The following TRAPPC9 variants were observed in gnomAD, a reference collection of about 807,000 sequenced individuals.
The protein encoded by TRAPPC9 is IKK2 binding protein.
Under a neutral mutation model 124.0 loss-of-function variants are expected in TRAPPC9, and 83 were observed. The observed-to-expected ratio is 0.67, with a 90% CI of 0.56 to 0.80. TRAPPC9 has a LOEUF of 0.80. Ranked by LOEUF, TRAPPC9 falls within the 30% of genes least tolerant of loss-of-function variation. TRAPPC9 has a pLI of 0.00. For missense variants in TRAPPC9, 1,302 were observed against 1,508.3 expected, an observed-to-expected ratio of 0.86 and a Z score of 2.27; for synonymous variants, 638 against 617.5, an observed-to-expected ratio of 1.03 and a Z score of -0.49.
In TRAPPC9 at chr8:140,172,426, G is replaced by A. The variant is rs1019618004; in HGVS notation, c.2556+49033C>T. Reference sequence around the variant, plus strand: ...GGTTAAACTACCTGTGGGCAATGGAGGGGGGTTAAACTACCTCTGGGCAAT... The same window carrying A: ...GGTTAAACTACCTGTGGGCAATGGAAGGGGGTTAAACTACCTCTGGGCAAT... On this transcript the variant is annotated intron_variant, in intron 17 of 22. Transcript: ENST00000438773. Among the ~76,000 whole-genome samples the A allele has an allele frequency of 5.3e-4, 60 of 112,276 alleles. 1 individual carries two copies. The highest frequency in any genetic ancestry group is 1.9e-3 in the African/African-American group (56 of 29,914). 73.7% of individuals were successfully genotyped at this position (112,276 alleles called of 152,430 possible). A position where few individuals can be genotyped will look rare whatever the true frequency, so the allele number is the denominator to read the frequency against.
intron 18 of TRAPPC9, among the ~76,000 whole-genome samples, chr8:140,020,428 C>A (rs1311585043): frequency 1.3e-5 from 2 of 152,102 alleles, no homozygotes; most frequent in African/African-American, 2.4e-5. Flanking sequence ...GGGTTTGAGA[C>A]CAGCCTGGGC....
intron 18 of TRAPPC9, among the ~76,000 whole-genome samples, chr8:139,989,678 G>A (rs1247282022): frequency 6.6e-6 from 1 of 152,198 alleles, no homozygotes; most frequent in Non-Finnish European, 1.5e-5. Context: ...GGATGACAGA[G>A]CAGGGTCGGA....
chr8:140,408,577 G>A (rs908729597), intron 5 of TRAPPC9, among the ~76,000 whole-genome samples: 1 of 152,086 alleles, frequency 6.6e-6, no homozygotes, highest in Non-Finnish European at 1.5e-5. Flanking sequence ...TGGCTAACAG[G>A]CTAGCACCAG....
chr8:139,977,575 G>A lies in TRAPPC9; in HGVS notation c.2810+11151C>T, dbSNP rs113640075. ...AGAGCTTGCAGAGAGCGGAGATCGC[G>A]CCACTGCACTCCAGCCTGGGCGACA... On this transcript the variant is annotated intron_variant, in intron 19 of 22. Transcript: ENST00000438773. Among the ~76,000 whole-genome samples the A allele has an allele frequency of 2.4e-3, 356 of 145,492 alleles. 2 individuals carry two copies. The highest frequency in any genetic ancestry group is 7.8e-3 in the African/African-American group (309 of 39,576).
At chr8:139,792,438 G>A (rs558332782) in intron 21 of TRAPPC9, among the ~76,000 whole-genome samples, 8 of 152,324 alleles carry the variant, frequency 5.3e-5, no homozygotes, top group Admixed American at 1.3e-4. Context: ...GCCTGGCTGC[G>A]TGTGGGCCTG....
intron 19 of TRAPPC9, among the ~76,000 whole-genome samples, chr8:139,922,195 T>C (rs538563241): frequency 6.6e-6 from 1 of 152,186 alleles, no homozygotes; most frequent in East Asian, 1.9e-4. Context: ...TTTTTTTTTT[T>C]TTGGATGGAG....
At chr8:139,816,070 G>GT (rs1424454883) in intron 21 of TRAPPC9, among the ~76,000 whole-genome samples, 1 of 152,254 alleles carries the variant, frequency 6.6e-6, no homozygotes, top group African/African-American at 2.4e-5. Flanking sequence ...GAACGGCTGT[G>GT]TTTGGCAGAT....
rs141531887 is a variant in TRAPPC9, at chr8:140,283,912, C to A, written c.2091G>T (p.Leu697=). Residue 697 remains leucine (L), a synonymous_variant, in exon 14 of 23, where the codon CTG becomes CTT. Coordinates refer to ENST00000438773, the MANE Select transcript of TRAPPC9 (RefSeq NM_001160372.4). ...TVEVIPALPR[L]QISTSLPRSA... is the part of the protein sequence containing the mutation. ...ACCTGGGCAGAGAGGTGCTGATCTG[C>A]AGTCTTGGCAACGCGGGAATGACTT... is the stretch of plus-strand genomic sequence containing the variant. 6 of 1,613,928 alleles carry A rather than the reference C, an allele frequency of 3.7e-6. No homozygotes were observed. In the African/African-American group the frequency reaches 8.0e-5, roughly 22 times the overall value.
At chr8:139,738,992 G>A (rs1218920776) in intron 21 of TRAPPC9, among the ~76,000 whole-genome samples, 7 of 152,136 alleles carry the variant, frequency 4.6e-5, no homozygotes, top group Admixed American at 3.3e-4. Context: ...GCTCCTGCCC[G>A]CCCCCAGCTT....
rs763378781 is a variant in TRAPPC9, at chr8:140,300,484, G to A, written c.1753C>T (p.Arg585Trp). 1.4e-5 allele frequency: 22 copies of A among 1,614,056 alleles called. No individual in the cohort carries two copies. The highest frequency in any genetic ancestry group is 6.7e-5 in the Admixed American group (4 of 60,000). Residue 585 changes from arginine (R) to tryptophan (W), a missense_variant, in exon 11 of 23, where the codon CGG becomes TGG. Arg to Trp is a moderately radical substitution (Grantham distance 101, BLOSUM62 -3). This residue lies in a region of TRAPPC9 where 657 missense variants were observed against 811.2 expected (regional missense o/e 0.81). Transcript: ENST00000438773. The stretch of plus-strand genomic sequence containing the variant: ...GACGTCCTACCTATTTTCTTGTTCC[G>A]CTCTTCTCCACGGTTGTGTGCGATA... ...PIIAHNRGEE[R>W]NKKIDFQWVQ... is the part of the protein sequence containing the mutation.
intron 17 of TRAPPC9, among the ~76,000 whole-genome samples, chr8:140,117,267 C>T (rs769457828): frequency 2.6e-5 from 4 of 152,146 alleles, no homozygotes; most frequent in Non-Finnish European, 4.4e-5. Flanking sequence ...GCTCACCACA[C>T]AGTAGTCATG....
intron 19 of TRAPPC9, 114 bp from the exon 20 acceptor site, chr8:139,910,414 T>A: frequency 9.0e-7 from 1 of 1,108,730 alleles, no homozygotes; most frequent in South Asian, 1.3e-5. Context: ...TTATCGTTAG[T>A]AATTCATAAC....
At position 139,727,784 on chromosome 8, in the gene TRAPPC9, C is replaced by T. The variant is rs1230451668; in HGVS notation, c.*3277G>A. Reference sequence around the variant, plus strand: ...TCCATCAGCATTTCCTGTCCCATTTCAGCACCTGTGTTAGAAAGTTCTTCC... The same window carrying T: ...TCCATCAGCATTTCCTGTCCCATTTTAGCACCTGTGTTAGAAAGTTCTTCC... On this transcript the variant is annotated 3_prime_UTR_variant, in exon 23 of 23. Coordinates refer to ENST00000438773, the MANE Select transcript of TRAPPC9 (RefSeq NM_001160372.4). Among the ~76,000 whole-genome samples the T allele has an allele frequency of 6.6e-6, 1 of 152,212 alleles. No individual in the cohort carries two copies.
At chr8:140,091,809 G>A (rs1401028930) in intron 17 of TRAPPC9, among the ~76,000 whole-genome samples, 1 of 152,130 alleles carries the variant, frequency 6.6e-6, no homozygotes, top group African/African-American at 2.4e-5. Flanking sequence ...CCTCAACCCA[G>A]GACTGCTCTA....
At chr8:139,879,292 A>C (rs1298563908) in intron 21 of TRAPPC9, among the ~76,000 whole-genome samples, 1 of 152,128 alleles carries the variant, frequency 6.6e-6, no homozygotes, top group Non-Finnish European at 1.5e-5. Flanking sequence ...CGAGACCTGG[A>C]TTCCACTGCG....
intron 20 of TRAPPC9, among the ~76,000 whole-genome samples, 185 bp downstream of exon 20, chr8:139,909,962 T>G (rs1831610630): frequency 6.6e-6 from 1 of 152,086 alleles, no homozygotes; most frequent in South Asian, 2.1e-4. Flanking sequence ...CTGCTCCGAG[T>G]GGGGCCTTTG....
chr8:140,266,855 A>G (rs79594554), intron 15 of TRAPPC9, among the ~76,000 whole-genome samples: 28,013 of 151,678 alleles, frequency 0.18, 2,643 homozygotes, highest in Admixed American at 0.22. Flanking sequence ...GCGAGACTCC[A>G]TCTCAACAAC....
chr8:140,017,142 T>C (rs944902163), intron 18 of TRAPPC9, among the ~76,000 whole-genome samples: 4 of 152,368 alleles, frequency 2.6e-5, no homozygotes, highest in Middle Eastern at 3.4e-3. Context: ...ATCAATAAGA[T>C]ACAAGACGTT....
intron 21 of TRAPPC9, among the ~76,000 whole-genome samples, chr8:139,871,247 C>A (rs1262471025): frequency 6.6e-6 from 1 of 152,128 alleles, no homozygotes; most frequent in African/African-American, 2.4e-5. Context: ...GACACCTGGG[C>A]CCACCTTGGG....
Sources: gnomAD v4.1 joint callset for allele counts (sites outside exome capture counted in the v4.1 genomes callset) on GRCh38, gnomAD v4.1.1 for gene constraint, gnomAD v4.1.1 regional missense constraint, MANE v1.5 for transcripts, NCBI Gene and HGNC (gene_info 2026-07-23, HGNC 2026-07-21) for gene names.